ANKRD29: variants seen among roughly 807,000 people sequenced by gnomAD.
ANKRD29 encodes the protein ankyrin repeat domain-containing protein 29.
Under a neutral mutation model 38.0 loss-of-function variants are expected in ANKRD29, and 32 were observed. The observed-to-expected ratio is 0.84, with a 90% CI of 0.64 to 1.13. The LOEUF is 1.13. Ranked by LOEUF, ANKRD29 falls within the 50% of genes most tolerant of loss-of-function variation. ANKRD29 has a pLI of 0.00. For missense variants in ANKRD29, 357 were observed against 377.9 expected (o/e 0.94, Z 0.46); for synonymous variants, 135 against 152.4 (o/e 0.89, Z 0.84).
intron 9 of ANKRD29, 65 bp from the exon 10 acceptor site, chr18:23,601,374 G>A: frequency 7.2e-7 from 1 of 1,386,474 alleles, no homozygotes; most frequent in Non-Finnish European, 1.0e-6. Context: ...GGACTCCAAA[G>A]AGGGGCATTT....
Position 23,662,764 on chromosome 18 carries a change from T to C in ANKRD29, c.-34A>G, listed in dbSNP as rs1315498672. 4 of 1,452,746 alleles carry C rather than the reference T, an allele frequency of 2.8e-6. No individual in the cohort carries two copies. The highest frequency in any genetic ancestry group is 3.6e-6 in the Non-Finnish European group (4 of 1,105,616). 90.0% of individuals were successfully genotyped at this position (1,452,746 alleles called of 1,614,324 possible). A position where few individuals can be genotyped will look rare whatever the true frequency, so the allele number is the denominator to read the frequency against. The stretch of plus-strand genomic sequence containing the variant: ...CCGCCCGAGCGGGAGCCGGCGCGCT[T>C]TGGGCCCGGGGCGCCTTGTCCTCCC... On this transcript the variant is annotated 5_prime_UTR_variant, in exon 1 of 10. Coordinates refer to ENST00000592179, the MANE Select transcript of ANKRD29 (RefSeq NM_173505.4).
In ANKRD29 at chr18:23,624,973, A is replaced by G. The variant is rs144958968; in HGVS notation, c.528+4880T>C. Among the ~76,000 whole-genome samples the G allele has an allele frequency of 2.0e-3, 301 of 152,298 alleles. 2 individuals are homozygous for G. Among genetic ancestry groups the G allele is most frequent in the African/African-American group, 6.3e-3 (263 of 41,566 alleles). The stretch of plus-strand genomic sequence containing the variant: ...GTATTTGGAAAAAAGAACTAAAACC[A>G]TCCTCTTCTGTGGGAATGAGTATCT... On this transcript the variant is annotated intron_variant, in intron 6 of 9. Coordinates refer to ENST00000592179, the MANE Select transcript of ANKRD29 (RefSeq NM_173505.4).
At position 23,612,188 on chromosome 18, in the gene ANKRD29, A is replaced by G. The variant is rs1265141906; in HGVS notation, c.726T>C (p.Asn242=). 6.2e-7 allele frequency: 1 copy of G among 1,612,972 alleles called. No individual in the cohort carries two copies. Among genetic ancestry groups the G allele is most frequent in the East Asian group, 2.2e-5 (1 of 44,876 alleles). Residue 242 remains asparagine, a splice_region_variant and synonymous_variant, in exon 9 of 10, where the codon AAT becomes AAC. Transcript: ENST00000592179. The part of the protein sequence containing the change: ...KFSPTLGILK[N]GTSALHAAVL... ...CTGCTGCATGGAGCGCTGATGTCCCATTCTAAGAGAAAATGACAGTGTGTG... is the reference window on the plus strand; with the variant it reads ...CTGCTGCATGGAGCGCTGATGTCCCGTTCTAAGAGAAAATGACAGTGTGTG...
intron 1 of ANKRD29, among the ~76,000 whole-genome samples, chr18:23,653,035 T>C (rs188364328): frequency 8.2e-4 from 125 of 152,342 alleles, no homozygotes; most frequent in Middle Eastern, 6.8e-3. Context: ...TGTGTAACAA[T>C]TGCCTACAGT....
intron 1 of ANKRD29, among the ~76,000 whole-genome samples, chr18:23,661,557 A>C (rs1040560888): frequency 2.6e-5 from 4 of 152,150 alleles, no homozygotes; most frequent in Non-Finnish European, 5.9e-5. Flanking sequence ...AATACGAAAA[A>C]ATTAGCTGGG....
intron 9 of ANKRD29, among the ~76,000 whole-genome samples, chr18:23,605,763 A>C (rs1438794203): frequency 6.6e-6 from 1 of 151,842 alleles, no homozygotes; most frequent in Non-Finnish European, 1.5e-5. Flanking sequence ...CTGACCTCAC[A>C]TGATCCACCT....
At chr18:23,637,182 G>A (rs1297406074) in intron 4 of ANKRD29, among the ~76,000 whole-genome samples, 3 of 152,184 alleles carry the variant, frequency 2.0e-5, no homozygotes, top group African/African-American at 7.2e-5. Flanking sequence ...TTTGACCTTC[G>A]TTCAAAGAGT....
chr18:23,647,336 G>A (rs1364901015), intron 2 of ANKRD29: 2 of 152,170 alleles, frequency 1.3e-5, no homozygotes, highest in Non-Finnish European at 2.9e-5. Context: ...GTAGATATTC[G>A]TTCAGTAAGT....
chr18:23,621,766 C>G (rs2059800149), intron 6 of ANKRD29, among the ~76,000 whole-genome samples: 1 of 152,114 alleles, frequency 6.6e-6, no homozygotes, highest in Admixed American at 6.5e-5. Context: ...CCTCAACATC[C>G]TGGGCTCAAA....
intron 1 of ANKRD29, among the ~76,000 whole-genome samples, chr18:23,653,906 T>C (rs754813287): frequency 1.2e-4 from 19 of 152,110 alleles, no homozygotes; most frequent in Non-Finnish European, 2.6e-4. Context: ...AAATTGAGCA[T>C]AGGAATGAGT....
At chr18:23,609,976 C>T (rs148860251) in intron 9 of ANKRD29, among the ~76,000 whole-genome samples, 1 of 152,212 alleles carries the variant, frequency 6.6e-6, no homozygotes, top group East Asian at 1.9e-4. Flanking sequence ...AAAAAAGTGA[C>T]CCCTGGCATG....
In ANKRD29 at chr18:23,634,031, T is replaced by A. The variant is rs760133793; in HGVS notation, c.429+20A>T. ...GTATGTGATGAGAAATGTCCTAATG[T>A]CCCCCTGAAATGCACTCACATAAAG... On this transcript the variant is annotated intron_variant, in intron 5 of 9. Transcript: ENST00000592179. 1 of 1,611,102 alleles carries A rather than the reference T, an allele frequency of 6.2e-7. No homozygotes were observed. Among genetic ancestry groups the A allele is most frequent in the Non-Finnish European group, 8.5e-7 (1 of 1,177,248 alleles).
chr18:23,631,438 G>A (rs565328209), intron 5 of ANKRD29, among the ~76,000 whole-genome samples: 196 of 149,086 alleles, frequency 1.3e-3, no homozygotes, highest in African/African-American at 4.6e-3. Flanking sequence ...TAGAGACAGG[G>A]TCTTGCTATG....
intron 5 of ANKRD29, among the ~76,000 whole-genome samples, chr18:23,630,153 G>A (rs569158921): frequency 2.6e-5 from 4 of 152,200 alleles, no homozygotes; most frequent in East Asian, 3.9e-4. Context: ...GGCTGGGCAC[G>A]GCGGCTCACG....
intron 4 of ANKRD29, 53 bp from the exon 5 acceptor site, chr18:23,634,202 A>G (rs2059971602): frequency 1.4e-5 from 19 of 1,398,126 alleles, no homozygotes; most frequent in Admixed American, 1.2e-4. Flanking sequence ...CACATAATTC[A>G]CCAGCAGATG....
intron 2 of ANKRD29, chr18:23,647,311 G>A (rs1568045078): frequency 6.6e-6 from 1 of 152,162 alleles, no homozygotes; most frequent in Non-Finnish European, 1.5e-5. Flanking sequence ...AGGCAATATG[G>A]TTAACATAGT....
chr18:23,655,751 G>T (rs1313851250), intron 1 of ANKRD29, among the ~76,000 whole-genome samples: 1 of 150,402 alleles, frequency 6.6e-6, no homozygotes, highest in Non-Finnish European at 1.5e-5. Flanking sequence ...CACCGTGCCT[G>T]GCCTCCTTTT....
intron 8 of ANKRD29, among the ~76,000 whole-genome samples, chr18:23,617,246 A>T (rs189033008): frequency 1.8e-4 from 27 of 152,200 alleles, no homozygotes; most frequent in Admixed American, 1.5e-3. Flanking sequence ...AAACAAAAAG[A>T]TCAAAACTTA....
intron 3 of ANKRD29, among the ~76,000 whole-genome samples, chr18:23,641,784 G>A (rs940623504): frequency 2.6e-5 from 4 of 152,230 alleles, no homozygotes; most frequent in African/African-American, 9.6e-5. Flanking sequence ...CTGCTGGAAG[G>A]ATCTACCCAT....
Sources: gnomAD v4.1 joint callset for allele counts (sites outside exome capture counted in the v4.1 genomes callset) on GRCh38, gnomAD v4.1.1 for gene constraint, MANE v1.5 for transcripts, NCBI Gene and HGNC (gene_info 2026-07-23, HGNC 2026-07-21) for gene names.